Variants in SAMD4A observed in about 807,000 individuals in gnomAD.
SAMD4A encodes protein Smaug homolog 1.
A neutral mutation model predicts 81.3 loss-of-function variants in SAMD4A; 33 were observed. The ratio of observed to expected loss-of-function variants is 0.41; its 90% confidence interval spans 0.31 to 0.54. SAMD4A has a LOEUF of 0.54. Among genes scored for constraint, SAMD4A ranks in the 20% least tolerant of loss-of-function variants. The pLI, the probability that SAMD4A is intolerant of heterozygous loss-of-function variation, is 0.37. For synonymous variants in SAMD4A, 389 were observed against 382.1 expected (o/e 1.02, Z -0.21); for missense variants, 854 against 951.1 (o/e 0.90, Z 1.34).
At chr14:54,687,288 A>G (rs2036298471) in intron 2 of SAMD4A, 1 of 452,604 alleles carries the variant, frequency 2.2e-6, no homozygotes, top group African/African-American at 2.0e-5. Context: ...TGAACCAAGT[A>G]TTTCTTCTTA....
intron 2 of SAMD4A, among the ~76,000 whole-genome samples, chr14:54,622,470 T>TA (rs1013564619): frequency 6.6e-6 from 1 of 152,274 alleles, no homozygotes; most frequent in African/African-American, 2.4e-5. Flanking sequence ...ACTGACTTGA[T>TA]AAATGTGAAC....
chr14:54,602,706 T>G (rs1402183503), intron 2 of SAMD4A, among the ~76,000 whole-genome samples: 1 of 151,312 alleles, frequency 6.6e-6, no homozygotes, highest in Non-Finnish European at 1.5e-5. Flanking sequence ...AAATGATGAG[T>G]TAATGGGTGC....
Position 54,591,191 on chromosome 14 carries a change from G to T in SAMD4A, c.196+23079G>T, listed in dbSNP as rs565832287. Among the ~76,000 whole-genome samples, 58 of 152,324 alleles carry T rather than the reference G, an allele frequency of 3.8e-4. 1 individual carries two copies. In the South Asian group the frequency reaches 0.012, roughly 31 times the overall value. On this transcript the variant is annotated intron_variant, in intron 2 of 12. Transcript: ENST00000554335. Reference sequence around the variant, plus strand: ...AGAAGCTGTCCTGCCCAGAATGATGGTGGTGCCCCTAGTGAGAAATGCTGA... The same window carrying T: ...AGAAGCTGTCCTGCCCAGAATGATGTTGGTGCCCCTAGTGAGAAATGCTGA...
At chr14:54,775,167 G>A (rs924043160) in intron 10 of SAMD4A, 32 bp downstream of exon 10, 1 of 1,613,398 alleles carries the variant, frequency 6.2e-7, no homozygotes, top group Admixed American at 1.7e-5. Flanking sequence ...GAGGAGGATG[G>A]CCAAGCTCAA....
At position 54,748,873 on chromosome 14, in the gene SAMD4A, G is replaced by A. The variant is rs749750966; in HGVS notation, c.1038G>A (p.Gln346=). The A allele has an allele frequency of 7.1e-6, 11 of 1,555,296 alleles. No homozygotes were observed. The highest frequency in any genetic ancestry group is 1.2e-5 in the South Asian group (1 of 84,278). The part of the protein sequence containing the change: ...RLHKYAALFS[Q]MTYEEMMALT... ...ACAAATATGCCGCGCTTTTCTCCCAGATGACCTATGAGGAGATGATGGCCC... is the reference window on the plus strand; with the variant it reads ...ACAAATATGCCGCGCTTTTCTCCCAAATGACCTATGAGGAGATGATGGCCC... The change falls in exon 5 of 13, where the codon CAG becomes CAA. Residue 346 remains glutamine, a synonymous_variant. Transcript: ENST00000554335.
chr14:54,683,944 A>T (rs2036190335), intron 2 of SAMD4A, among the ~76,000 whole-genome samples: 1 of 152,204 alleles, frequency 6.6e-6, no homozygotes, highest in Non-Finnish European at 1.5e-5. Flanking sequence ...ATTGCCATAG[A>T]AAAGAGTTTT....
chr14:54,619,249 T>C (rs1163359353), intron 2 of SAMD4A, among the ~76,000 whole-genome samples: 1 of 152,238 alleles, frequency 6.6e-6, no homozygotes, highest in African/African-American at 2.4e-5. Context: ...TTATCAAGAC[T>C]TTGAAAATGA....
At chr14:54,623,194 C>T (rs929945104) in intron 2 of SAMD4A, among the ~76,000 whole-genome samples, 2 of 152,140 alleles carry the variant, frequency 1.3e-5, no homozygotes, top group African/African-American at 2.4e-5. Context: ...GATGGCCTTG[C>T]TGCTTTGTGG....
At chr14:54,763,071 G>A (rs1355427101) in intron 7 of SAMD4A, among the ~76,000 whole-genome samples, 2 of 151,788 alleles carry the variant, frequency 1.3e-5, no homozygotes, top group East Asian at 2.0e-4. Flanking sequence ...TAGCTAGGAT[G>A]GTCTCGATCT....
intron 2 of SAMD4A, among the ~76,000 whole-genome samples, chr14:54,686,705 G>C (rs1490373862): frequency 6.6e-6 from 1 of 152,158 alleles, no homozygotes; most frequent in East Asian, 1.9e-4. Flanking sequence ...GTCAAATTGA[G>C]AGCTCTAATT....
intron 9 of SAMD4A, among the ~76,000 whole-genome samples, chr14:54,772,701 G>A (rs115978754): frequency 6.6e-6 from 1 of 152,114 alleles, no homozygotes; most frequent in Non-Finnish European, 1.5e-5. Flanking sequence ...AAAAAGGAAA[G>A]TGAGAAAACG....
chr14:54,745,075 C>T (rs2037934004), intron 4 of SAMD4A, among the ~76,000 whole-genome samples: 1 of 152,170 alleles, frequency 6.6e-6, no homozygotes, highest in African/African-American at 2.4e-5. Context: ...TCTCCCCTGC[C>T]ACGCATCCCA....
At chr14:54,675,872 G>C (rs1332124000) in intron 2 of SAMD4A, among the ~76,000 whole-genome samples, 1 of 152,206 alleles carries the variant, frequency 6.6e-6, no homozygotes, top group Non-Finnish European at 1.5e-5. Flanking sequence ...TCACGGTAGA[G>C]AGTCCTTGCT....
intron 2 of SAMD4A, among the ~76,000 whole-genome samples, chr14:54,631,883 G>A (rs559334196): frequency 1.3e-5 from 2 of 152,262 alleles, no homozygotes; most frequent in African/African-American, 4.8e-5. Flanking sequence ...CAATTTTTGT[G>A]CATTTTTGGT....
chr14:54,760,174 G>T lies in SAMD4A; in HGVS notation c.1190G>T (p.Gly397Val), dbSNP rs749212754. 6.2e-7 allele frequency: 1 copy of T among 1,612,356 alleles called. No individual in the cohort carries two copies. The highest frequency in any genetic ancestry group is 1.1e-5 in the South Asian group (1 of 90,756). ...LKSLERDIIE[G>V]GSLRIPLQEL... ...CTCACCGTCCAGGACATCATCGAGG[G>T]GGGCAGCCTGCGCATCCCGCTCCAG... The change falls in exon 7 of 13, where the codon GGG (glycine) becomes GTG (valine). Residue 397 changes from glycine to valine, a missense_variant. Gly to Val is a moderately radical substitution (Grantham distance 109). Around this residue, in one of 3 missense-constraint regions of SAMD4A, gnomAD observed 428 missense variants for 471.2 expected, o/e 0.91. Transcript: ENST00000554335.
chr14:54,740,209 G>C (rs149051333), intron 4 of SAMD4A, among the ~76,000 whole-genome samples: 15 of 152,226 alleles, frequency 9.9e-5, no homozygotes, highest in South Asian at 2.1e-4. Context: ...AAATAAATGA[G>C]ATATAAAACC....
At chr14:54,724,655 A>G (rs2037368440) in intron 3 of SAMD4A, among the ~76,000 whole-genome samples, 1 of 152,154 alleles carries the variant, frequency 6.6e-6, no homozygotes, top group Non-Finnish European at 1.5e-5. Flanking sequence ...GTAAGGAGGA[A>G]ACAGCAAAAA....
chr14:54,774,099 C>T (rs1781591928), intron 9 of SAMD4A, among the ~76,000 whole-genome samples: 1 of 152,350 alleles, frequency 6.6e-6, no homozygotes, highest in Non-Finnish European at 1.5e-5. Flanking sequence ...TCCTCATCTG[C>T]AGCAGCATGG....
chr14:54,614,289 TAATG>T (rs1181520722), intron 2 of SAMD4A, among the ~76,000 whole-genome samples: 2 of 152,230 alleles, frequency 1.3e-5, no homozygotes, highest in East Asian at 3.8e-4. Flanking sequence ...TAAAATAAAT[TAATG>T]AATACATATT....
Sources: gnomAD v4.1 joint callset for allele counts (sites outside exome capture counted in the v4.1 genomes callset) on GRCh38, gnomAD v4.1.1 for gene constraint, gnomAD v4.1.1 regional missense constraint, MANE v1.5 for transcripts, NCBI Gene and HGNC (gene_info 2026-07-23, HGNC 2026-07-21) for gene names.